BAZ1B: variants seen among roughly 807,000 people sequenced by gnomAD.
BAZ1B encodes tyrosine-protein kinase BAZ1B.
In BAZ1B, 22 loss-of-function variants were observed where a neutral mutation model predicts 153.8. The observed-to-expected ratio is 0.14, with a 90% CI of 0.10 to 0.20. The LOEUF is 0.20. Ranked by LOEUF, BAZ1B falls within the 10% of genes least tolerant of loss-of-function variation. The probability of loss-of-function intolerance (pLI) is 1.00; values close to 1 mark genes in which losing one functional copy is unlikely to be tolerated. For synonymous variants in BAZ1B, 676 were observed against 633.4 expected (o/e 1.07, Z -1.01); for missense variants, 1,325 against 1,799.3 (o/e 0.74, Z 4.77).
intron 5 of BAZ1B, among the ~76,000 whole-genome samples, chr7:73,491,097 C>G (rs1343061414): frequency 2.0e-5 from 3 of 151,672 alleles, no homozygotes; most frequent in Non-Finnish European, 4.4e-5. Flanking sequence ...ACCAGCCTGG[C>G]CAACATAGTG....
intron 16 of BAZ1B, among the ~76,000 whole-genome samples, chr7:73,446,649 C>A (rs1178225951): frequency 6.6e-6 from 1 of 151,358 alleles, no homozygotes; most frequent in African/African-American, 2.4e-5. Context: ...GACTCTCCAA[C>A]ACTCATGAGA....
intron 15 of BAZ1B, among the ~76,000 whole-genome samples, chr7:73,447,690 G>C (rs1790973166): frequency 6.6e-6 from 1 of 152,112 alleles, no homozygotes; most frequent in South Asian, 2.1e-4. Flanking sequence ...ACAAAACACT[G>C]TTTCTTTTGT....
chr7:73,508,495 A>G (rs1324394671), intron 2 of BAZ1B, 24 bp from the exon 3 acceptor site: 15 of 1,585,920 alleles, frequency 9.5e-6, no homozygotes, highest in Non-Finnish European at 1.3e-5. Flanking sequence ...ATTAGTTATC[A>G]AGAAAACACA....
Position 73,441,530 on chromosome 7 carries a change from T to A in BAZ1B, c.*179A>T, listed in dbSNP as rs1308191585. On this transcript the variant is annotated 3_prime_UTR_variant, in exon 20 of 20. Transcript: ENST00000339594. ...TTGTTTTTTTGTTTTTTGTGGTTTT[T>A]TTATTTTTTGGGGGGGTGGGAGGAG... 6.6e-6 allele frequency: 1 copy of A among 152,260 alleles called. No individual in the cohort carries two copies. The highest frequency in any genetic ancestry group is 2.4e-5 in the African/African-American group (1 of 41,220). The allele number at this position is 152,260 out of a possible 1,614,324, so 9.4% of individuals were successfully genotyped here.
chr7:73,443,993 C>T lies in BAZ1B; in HGVS notation c.3981G>A (p.Val1327=). The stretch of plus-strand genomic sequence containing the variant: ...GATAAATAATTCTCACCAGCTCATC[C>T]ACCTCAGCATCATCCACAGGTGGTG... ...PKAPPVDDAE[V]DELVLQTKRS... is the part of the protein sequence containing the mutation. Residue 1327 remains valine, a synonymous_variant, in exon 17 of 20, where the codon GTG becomes GTA. Transcript: ENST00000339594. 2 of 1,613,130 alleles carry T rather than the reference C, an allele frequency of 1.2e-6. No homozygotes were observed. Among genetic ancestry groups the T allele is most frequent in the Non-Finnish European group, 1.7e-6 (2 of 1,179,620 alleles).
chr7:73,502,869 TAACA>T (rs1790191721), intron 3 of BAZ1B, among the ~76,000 whole-genome samples: 1 of 152,242 alleles, frequency 6.6e-6, no homozygotes, highest in Non-Finnish European at 1.5e-5. Flanking sequence ...CTGACAGTGA[TAACA>T]AACATTCTGA....
At chr7:73,492,742 C>A in intron 5 of BAZ1B, 58 bp downstream of exon 5, 4 of 1,483,810 alleles carry the variant, frequency 2.7e-6, no homozygotes, top group Non-Finnish European at 3.6e-6. Flanking sequence ...CAAAAGCAAC[C>A]CTATGATATT....
At chr7:73,507,729 T>C (rs1431848782) in intron 3 of BAZ1B, among the ~76,000 whole-genome samples, 2 of 152,206 alleles carry the variant, frequency 1.3e-5, no homozygotes, top group African/African-American at 2.4e-5. Flanking sequence ...CCAAGAGTGA[T>C]GGCACATGCC....
chr7:73,442,902 G>T (rs1787682604), intron 17 of BAZ1B, 74 bp from the exon 18 acceptor site: 2 of 1,102,490 alleles, frequency 1.8e-6, no homozygotes, highest in African/African-American at 1.6e-5. Flanking sequence ...GAAAATAAGT[G>T]TATCTGCTCA....
At chr7:73,516,922 T>G (rs1424882991) in intron 1 of BAZ1B, among the ~76,000 whole-genome samples, 1 of 152,094 alleles carries the variant, frequency 6.6e-6, no homozygotes, top group African/African-American at 2.4e-5. Context: ...GGCTCACGCC[T>G]GTAATCCCAG....
At chr7:73,494,943 C>T (rs1789815187) in intron 4 of BAZ1B, among the ~76,000 whole-genome samples, 3 of 152,116 alleles carry the variant, frequency 2.0e-5, no homozygotes, top group Admixed American at 2.0e-4. Context: ...CCTTGGGATA[C>T]AAGAAGAGTG....
chr7:73,480,218 GGTCCTCCATATCACCTA>G (rs1789150920), intron 6 of BAZ1B, among the ~76,000 whole-genome samples: 2 of 151,236 alleles, frequency 1.3e-5, no homozygotes, highest in African/African-American at 4.9e-5. Context: ...ACCTCAAACG[GGTCCTCCATATCACCTA>G]GCAAACACAG....
At chr7:73,453,321 T>C (rs554785723) in intron 13 of BAZ1B, among the ~76,000 whole-genome samples, 59 of 152,388 alleles carry the variant, frequency 3.9e-4, no homozygotes, top group Non-Finnish European at 1.6e-4. Context: ...TGTCTGGACC[T>C]GCAAACTTCT....
intron 4 of BAZ1B, among the ~76,000 whole-genome samples, chr7:73,496,047 C>T (rs183232719): frequency 1.3e-5 from 2 of 152,014 alleles, no homozygotes; most frequent in African/African-American, 4.8e-5. Flanking sequence ...CAGAAAAGTC[C>T]AACACAGGCC....
rs1235620863 is a variant in BAZ1B, at chr7:73,463,227, TTTTTC to T, written c.3072-133_3072-129del. 320 of 838,200 alleles carry T rather than the reference TTTTTC, an allele frequency of 3.8e-4. 4 individuals are homozygous for T. The East Asian group carries it at 8.5e-3, about 22-fold the overall frequency. 51.9% of individuals were successfully genotyped at this position (838,200 alleles called of 1,614,324 possible). On this transcript the variant is annotated intron_variant, in intron 11 of 19. Coordinates refer to ENST00000339594, the MANE Select transcript of BAZ1B (RefSeq NM_032408.4). ...GATCTCTTTCACCTCTCCCTGGTGT[TTTTTC>T]TTTTTTCTTTTTTTTTTTTTTTTTT...
Position 73,477,994 on chromosome 7 carries a change from C to T in BAZ1B, c.1467G>A (p.Glu489=). The T allele has an allele frequency of 1.2e-6, 2 of 1,614,084 alleles. No individual in the cohort carries two copies. Among genetic ancestry groups the T allele is most frequent in the Non-Finnish European group, 1.7e-6 (2 of 1,180,012 alleles). The change falls in exon 7 of 20, where the codon GAG becomes GAA. Residue 489 remains glutamate, a synonymous_variant. Transcript: ENST00000339594. This position sits in a 1 kb window ranked among gnomAD's most constrained non-coding sequence, Gnocchi z 5.6. ...IAYYKENKDR[E]DKRSALSCVI... ...CACAGGACAGGGCGCTCCTCTTGTCCTCCCTGTCTTTGTTTTCTTTGTAGT... is the reference window on the plus strand; with the variant it reads ...CACAGGACAGGGCGCTCCTCTTGTCTTCCCTGTCTTTGTTTTCTTTGTAGT...
intron 2 of BAZ1B, among the ~76,000 whole-genome samples, chr7:73,510,523 A>G (rs1022059204): frequency 2.0e-5 from 3 of 152,240 alleles, no homozygotes; most frequent in South Asian, 4.1e-4. Flanking sequence ...GTAAATACCT[A>G]AACAAGTGCA....
chr7:73,453,547 TGAA>T (rs1788089432), intron 13 of BAZ1B, among the ~76,000 whole-genome samples: 2 of 152,250 alleles, frequency 1.3e-5, no homozygotes, highest in African/African-American at 2.4e-5. Flanking sequence ...TCTTCTGTAT[TGAA>T]CTTGAGTTAA....
Position 73,498,710 on chromosome 7 carries a change from G to A in BAZ1B, c.370-12C>T, listed in dbSNP as rs782663754. On this transcript the variant is annotated splice_polypyrimidine_tract_variant and intron_variant, in intron 3 of 19. Transcript: ENST00000339594. ...TTCTCCTTCCCAACCTATAAAGGAG[G>A]TAGTAGAGAAAATCAGAGATAATAA... The A allele has an allele frequency of 6.2e-7, 1 of 1,610,532 alleles. No homozygotes were observed. The highest frequency in any genetic ancestry group is 8.5e-7 in the Non-Finnish European group (1 of 1,177,620).
Sources: allele counts gnomAD v4.1 joint callset (sites outside exome capture counted in the v4.1 genomes callset), GRCh38; gene constraint gnomAD v4.1.1; non-coding constraint Gnocchi (gnomAD v3.1); transcripts MANE v1.5; gene names NCBI Gene and HGNC (gene_info 2026-07-23, HGNC 2026-07-21).